MGAT4C: variants seen among roughly 807,000 people sequenced by gnomAD.
MGAT4C encodes MGAT4 family member C.
Under a neutral mutation model 40.1 loss-of-function variants are expected in MGAT4C, and 19 were observed. That is an observed-to-expected ratio of 0.47 (90% confidence interval 0.33 to 0.70). The LOEUF is 0.70. Among genes scored for constraint, MGAT4C ranks in the 30% least tolerant of loss-of-function variants. The pLI, the probability that MGAT4C is intolerant of heterozygous loss-of-function variation, is 0.02. For synonymous variants in MGAT4C, 181 were observed against 187.1 expected, an observed-to-expected ratio of 0.97 and a Z score of 0.27; for missense variants, 491 against 563.2, an observed-to-expected ratio of 0.87 and a Z score of 1.30.
At chr12:86,526,977 T>C (rs1034852867) in intron 2 of MGAT4C, among the ~76,000 whole-genome samples, 1 of 152,184 alleles carries the variant, frequency 6.6e-6, no homozygotes, top group African/African-American at 2.4e-5. Flanking sequence ...AGTCCCAGTG[T>C]GTGGTAGCCC....
At chr12:86,660,719 C>G (rs1282187886) in intron 2 of MGAT4C, among the ~76,000 whole-genome samples, 1 of 152,078 alleles carries the variant, frequency 6.6e-6, no homozygotes, top group African/African-American at 2.4e-5. Context: ...TGGCTTCTGT[C>G]AGTTAGGATG....
At chr12:86,592,429 AGT>A (rs59568050) in intron 2 of MGAT4C, among the ~76,000 whole-genome samples, 1,767 of 152,256 alleles carry the variant, frequency 0.012, 12 homozygotes, top group Non-Finnish European at 0.014. Flanking sequence ...TTTATATAAA[AGT>A]GTTATCAAAC....
chr12:86,419,734 GA>G (rs1208771632), intron 3 of MGAT4C, among the ~76,000 whole-genome samples: 1 of 152,134 alleles, frequency 6.6e-6, no homozygotes, highest in African/African-American at 2.4e-5. Context: ...GGTAATGAAA[GA>G]AAAATGAGAC....
At position 85,980,353 on chromosome 12, in the gene MGAT4C, CAA is replaced by C; in HGVS notation, c.371_372del (p.Phe124Ter). 2 of 1,613,148 alleles carry C rather than the reference CAA, an allele frequency of 1.2e-6. No individual in the cohort carries two copies. The part of the protein sequence containing the change: ...NYLLETIKSI[F>X]EQSSYEELKE... The stretch of plus-strand genomic sequence containing the variant: ...TTCAGCTCTTCATAGCTGGATTGCT[CAA>C]AAATTGACTTAATTGTCTCAAGTAA... On this transcript the variant is annotated frameshift_variant, in exon 5 of 5. Coordinates refer to ENST00000611864, the MANE Select transcript of MGAT4C (RefSeq NM_001351288.2). LOFTEE classifies it high-confidence loss of function.
At chr12:86,213,061 G>A (rs748367268) in intron 1 of MGAT4C, among the ~76,000 whole-genome samples, 23 of 152,104 alleles carry the variant, frequency 1.5e-4, no homozygotes, top group Non-Finnish European at 3.1e-4. Flanking sequence ...ATGGAATTCA[G>A]GAAGTGACGT....
chr12:86,436,681 G>A (rs1034031293), intron 2 of MGAT4C, among the ~76,000 whole-genome samples: 7 of 151,536 alleles, frequency 4.6e-5, no homozygotes, highest in African/African-American at 4.8e-5. Context: ...TCCAAACAAC[G>A]TTTTCTTTTA....
At position 85,998,449 on chromosome 12, in the gene MGAT4C, C is replaced by T. The variant is rs540383116; in HGVS notation, c.-6-8897G>A. 3.3e-5 allele frequency among the ~76,000 whole-genome samples: 5 copies of T among 152,266 alleles called. No homozygotes were observed. The East Asian group carries it at 7.7e-4, about 23-fold the overall frequency. On this transcript the variant is annotated intron_variant, in intron 2 of 4. Coordinates refer to ENST00000611864, the MANE Select transcript of MGAT4C (RefSeq NM_001351288.2). ...CAGAAAATGGGATTTTCTTTTCTATCGCATTGTCAAGCTGCAAATTTTCTG... is the reference window on the plus strand; with the variant it reads ...CAGAAAATGGGATTTTCTTTTCTATTGCATTGTCAAGCTGCAAATTTTCTG...
chr12:86,460,768 T>C (rs1186442091), intron 2 of MGAT4C, among the ~76,000 whole-genome samples: 5 of 152,076 alleles, frequency 3.3e-5, no homozygotes, highest in Non-Finnish European at 7.4e-5. Context: ...TAAATAGAGT[T>C]TGAGAGCCAC....
chr12:86,394,776 C>T (rs1956226266), intron 3 of MGAT4C, among the ~76,000 whole-genome samples: 1 of 151,232 alleles, frequency 6.6e-6, no homozygotes, highest in African/African-American at 2.4e-5. Flanking sequence ...CACACACCAC[C>T]ATGCCCAGCT....
chr12:86,296,996 G>A (rs921650022), intron 4 of MGAT4C, among the ~76,000 whole-genome samples: 11 of 152,218 alleles, frequency 7.2e-5, no homozygotes, highest in Admixed American at 2.0e-4. Context: ...TGTAAAAAAG[G>A]CAGATAAAGA....
At chr12:86,137,850 A>G (rs1882192419) in intron 1 of MGAT4C, among the ~76,000 whole-genome samples, 1 of 152,180 alleles carries the variant, frequency 6.6e-6, no homozygotes, top group African/African-American at 2.4e-5. Flanking sequence ...GCCAATAACC[A>G]CATGGAGCTG....
intron 1 of MGAT4C, among the ~76,000 whole-genome samples, chr12:86,167,144 T>C (rs945335381): frequency 3.9e-5 from 6 of 152,194 alleles, no homozygotes. Flanking sequence ...GGTTTCTTAT[T>C]CTATCAACAA....
At chr12:86,629,704 A>T (rs894054067) in intron 2 of MGAT4C, among the ~76,000 whole-genome samples, 1 of 152,168 alleles carries the variant, frequency 6.6e-6, no homozygotes, top group Non-Finnish European at 1.5e-5. Flanking sequence ...TTTGAAACCA[A>T]TGAGAACAAA....
chr12:86,492,947 C>T (rs999987482), intron 2 of MGAT4C, among the ~76,000 whole-genome samples: 1 of 151,824 alleles, frequency 6.6e-6, no homozygotes, highest in East Asian at 1.9e-4. Flanking sequence ...AACAAATTTA[C>T]AAGAAAAAAA....
chr12:86,398,929 G>A (rs1275162974), intron 3 of MGAT4C, among the ~76,000 whole-genome samples: 1 of 151,942 alleles, frequency 6.6e-6, no homozygotes, highest in Non-Finnish European at 1.5e-5. Flanking sequence ...GTCCAGGCCA[G>A]GTATTAGATG....
chr12:86,268,046 T>G (rs1217650197), intron 4 of MGAT4C, among the ~76,000 whole-genome samples: 1 of 152,120 alleles, frequency 6.6e-6, no homozygotes, highest in Non-Finnish European at 1.5e-5. Flanking sequence ...TATCAAGGGA[T>G]CTCATTAGAG....
chr12:86,295,193 A>T (rs181924329), intron 4 of MGAT4C, among the ~76,000 whole-genome samples: 1 of 152,210 alleles, frequency 6.6e-6, no homozygotes, highest in African/African-American at 2.4e-5. Context: ...AATAGTATAC[A>T]TATTTCATTA....
intron 1 of MGAT4C, among the ~76,000 whole-genome samples, chr12:86,154,751 T>C (rs1884712352): frequency 6.6e-6 from 1 of 152,202 alleles, no homozygotes; most frequent in African/African-American, 2.4e-5. Context: ...GAACCTTACT[T>C]TTATGCAGAG....
At chr12:86,562,772 A>G (rs561989125) in intron 2 of MGAT4C, among the ~76,000 whole-genome samples, 10 of 152,250 alleles carry the variant, frequency 6.6e-5, no homozygotes, top group African/African-American at 2.4e-4. Flanking sequence ...TCTGGAGAAC[A>G]CCCATAGGAA....
Sources: allele counts gnomAD v4.1 joint callset (sites outside exome capture counted in the v4.1 genomes callset), GRCh38; gene constraint gnomAD v4.1.1; transcripts MANE v1.5; gene names NCBI Gene and HGNC (gene_info 2026-07-23, HGNC 2026-07-21).